PTPRN2: variants seen among roughly 807,000 people sequenced by gnomAD.
The protein encoded by PTPRN2 is receptor-type tyrosine-protein phosphatase N2.
PTPRN2 carries 74 observed loss-of-function variants against 118.8 expected under a neutral mutation model. The observed-to-expected ratio is 0.62, with a 90% confidence interval of 0.52 to 0.76. The LOEUF (loss-of-function observed/expected upper bound fraction) is 0.76. Ranked by LOEUF, PTPRN2 falls within the 30% of genes least tolerant of loss-of-function variation. The pLI is 0.00. For synonymous variants in PTPRN2, 641 were observed against 608.0 expected (o/e 1.05, Z -0.80); for missense variants, 1,481 against 1,394.4 (o/e 1.06, Z -0.99).
chr7:158,391,381 C>G (rs987727394), intron 2 of PTPRN2, among the ~76,000 whole-genome samples: 4 of 152,184 alleles, frequency 2.6e-5, no homozygotes, highest in African/African-American at 9.7e-5. Context: ...CAGGTCCGGG[C>G]CCTGACACCC....
At chr7:157,604,576 C>T (rs1450302881) in intron 15 of PTPRN2, among the ~76,000 whole-genome samples, 1 of 152,200 alleles carries the variant, frequency 6.6e-6, no homozygotes, top group Non-Finnish European at 1.5e-5. Context: ...GAACGTTAAG[C>T]AATCGCCCGC....
chr7:158,204,077 G>C lies in PTPRN2; in HGVS notation c.380+1094C>G, dbSNP rs142267821. Reference sequence around the variant, plus strand: ...ACGGCCCCTGCCCTCAGCGAGCGCCGTGTGGTGAAGACGAAGCCCCCGCCC... The same window carrying C: ...ACGGCCCCTGCCCTCAGCGAGCGCCCTGTGGTGAAGACGAAGCCCCCGCCC... On this transcript the variant is annotated intron_variant, in intron 4 of 22. Transcript: ENST00000389418. Among the ~76,000 whole-genome samples the C allele has an allele frequency of 5.9e-5, 9 of 152,050 alleles. No individual in the cohort carries two copies. In the East Asian group the frequency reaches 7.8e-4, roughly 13 times the overall value.
At chr7:157,644,806 A>C (rs987925447) in intron 14 of PTPRN2, among the ~76,000 whole-genome samples, 4 of 101,544 alleles carry the variant, frequency 3.9e-5, no homozygotes, top group Non-Finnish European at 4.7e-5. Context: ...AAAAAACAAA[A>C]AAAAAAAAAC....
chr7:158,109,685 C>A (rs1481851259), intron 10 of PTPRN2, among the ~76,000 whole-genome samples: 2 of 151,326 alleles, frequency 1.3e-5, no homozygotes, highest in African/African-American at 2.4e-5. Flanking sequence ...AGTGATGTCA[C>A]CCCTGTGTGA....
At chr7:158,312,417 C>A (rs1182998254) in intron 3 of PTPRN2, among the ~76,000 whole-genome samples, 2 of 26,346 alleles carry the variant, frequency 7.6e-5, no homozygotes, top group Non-Finnish European at 1.8e-4. Flanking sequence ...CACATGTAGA[C>A]ATACACACAC....
chr7:157,557,089 C>G (rs1002037942), intron 21 of PTPRN2, among the ~76,000 whole-genome samples: 11 of 151,502 alleles, frequency 7.3e-5, no homozygotes, highest in Non-Finnish European at 2.9e-5. Flanking sequence ...CACACACACA[C>G]AGATATACAC....
Position 158,474,960 on chromosome 7 carries a change from C to T in PTPRN2, c.163+14775G>A, listed in dbSNP as rs117591922. Among the ~76,000 whole-genome samples the T allele has an allele frequency of 3.1e-3, 472 of 152,316 alleles. 16 individuals carry two copies. The South Asian group carries it at 0.049, about 16-fold the overall frequency. On this transcript the variant is annotated intron_variant, in intron 2 of 22. Coordinates refer to ENST00000389418, the MANE Select transcript of PTPRN2 (RefSeq NM_002847.5). ...GGGCAATGATGCAAACTGGCATTTG[C>T]GCCTCCTGGTGCCCCACGGAGACAG... is the stretch of plus-strand genomic sequence containing the variant.
chr7:158,142,752 T>A (rs1819507484), intron 6 of PTPRN2, among the ~76,000 whole-genome samples: 1 of 152,142 alleles, frequency 6.6e-6, no homozygotes, highest in Non-Finnish European at 1.5e-5. Flanking sequence ...AACAAAAACA[T>A]GCCTAAAACC....
At chr7:158,094,385 C>T (rs1347962118) in intron 10 of PTPRN2, among the ~76,000 whole-genome samples, 2 of 152,212 alleles carry the variant, frequency 1.3e-5, no homozygotes, top group Non-Finnish European at 2.9e-5. Context: ...TCTCGGCTCA[C>T]TGCAACCTCT....
rs185354730 is a variant in PTPRN2, at chr7:158,438,799, G to A, written c.163+50936C>T. On this transcript the variant is annotated intron_variant, in intron 2 of 22. Coordinates refer to ENST00000389418, the MANE Select transcript of PTPRN2 (RefSeq NM_002847.5). This position sits in a 1 kb window ranked among gnomAD's most constrained non-coding sequence, Gnocchi z 4.7. ...CCAGGGGTCAGCAAACCAGAGCCCC[G>A]GGACCTACCCCACCTGTCTTTTCAT... Among the ~76,000 whole-genome samples the A allele has an allele frequency of 1.1e-3, 173 of 152,194 alleles. 4 individuals are homozygous for A. The East Asian group carries it at 0.028, about 25-fold the overall frequency.
At chr7:158,358,301 G>C (rs1477485397) in intron 2 of PTPRN2, among the ~76,000 whole-genome samples, 2 of 152,200 alleles carry the variant, frequency 1.3e-5, no homozygotes, top group South Asian at 2.1e-4. Context: ...CCTGCCCTCA[G>C]CTTCACCTTT....
chr7:158,297,763 C>A (rs1447055640), intron 3 of PTPRN2, among the ~76,000 whole-genome samples: 1 of 152,184 alleles, frequency 6.6e-6, no homozygotes, highest in Non-Finnish European at 1.5e-5. Context: ...TAACCACATA[C>A]CCCAGTTATG....
intron 2 of PTPRN2, among the ~76,000 whole-genome samples, chr7:158,320,984 G>C (rs1205764223): frequency 5.3e-5 from 8 of 152,150 alleles, no homozygotes. Flanking sequence ...CTATTGCTTT[G>C]TTCTTCCGGG....
chr7:158,082,707 G>A lies in PTPRN2; in HGVS notation c.1644-1330C>T, dbSNP rs115084690. Among the ~76,000 whole-genome samples, 324 of 152,304 alleles carry A rather than the reference G, an allele frequency of 2.1e-3. 1 individual carries two copies. Among genetic ancestry groups the A allele is most frequent in the Admixed American group, 3.0e-3 (46 of 15,304 alleles). ...TATCCAGCTAGTCACCAAATTCTGC[G>A]GAAACCCTTGGAAAATGCACCATGT... On this transcript the variant is annotated intron_variant, in intron 10 of 22. Coordinates refer to ENST00000389418, the MANE Select transcript of PTPRN2 (RefSeq NM_002847.5).
At chr7:158,058,076 C>T (rs1407674559) in intron 11 of PTPRN2, among the ~76,000 whole-genome samples, 1 of 152,244 alleles carries the variant, frequency 6.6e-6, no homozygotes, top group African/African-American at 2.4e-5. Flanking sequence ...GAAGAGTTTT[C>T]TTTTCTTCCA....
At position 158,115,757 on chromosome 7, in the gene PTPRN2, GTTA is replaced by G. The variant is rs540909159; in HGVS notation, c.1557-4845_1557-4843del. Among the ~76,000 whole-genome samples the G allele has an allele frequency of 3.4e-3, 518 of 152,274 alleles. 5 individuals are homozygous for G. The highest frequency in any genetic ancestry group is 0.012 in the African/African-American group (498 of 41,544). ...TAAGCTGCCCCATCCATGGTGCTTT[GTTA>G]TAGCACTGCGAGTGGACTCAGGACA... On this transcript the variant is annotated intron_variant, in intron 9 of 22. Transcript: ENST00000389418.
At chr7:158,057,802 C>A (rs1235137572) in intron 11 of PTPRN2, among the ~76,000 whole-genome samples, 1 of 152,218 alleles carries the variant, frequency 6.6e-6, no homozygotes, top group African/African-American at 2.4e-5. Context: ...TTCATGTGCA[C>A]AAGGTCCACA....
intron 3 of PTPRN2, among the ~76,000 whole-genome samples, chr7:158,255,385 G>A (rs1410235196): frequency 2.0e-5 from 3 of 152,176 alleles, no homozygotes; most frequent in African/African-American, 7.2e-5. Context: ...ACGGCCACAG[G>A]GAACAGGGAA....
chr7:158,350,136 G>A (rs1807816382), intron 2 of PTPRN2, among the ~76,000 whole-genome samples: 1 of 152,144 alleles, frequency 6.6e-6, no homozygotes, highest in African/African-American at 2.4e-5. Flanking sequence ...TAAAAAGAAG[G>A]CCCTGGCATG....
Sources: gnomAD v4.1 joint callset for allele counts (sites outside exome capture counted in the v4.1 genomes callset) on GRCh38, gnomAD v4.1.1 for gene constraint, Gnocchi (gnomAD v3.1) non-coding constraint, MANE v1.5 for transcripts, NCBI Gene and HGNC (gene_info 2026-07-23, HGNC 2026-07-21) for gene names.